Variants in TMEM266 observed in about 807,000 individuals in gnomAD.
TMEM266 encodes the protein transmembrane protein 266.
In TMEM266, 33 loss-of-function variants were observed where a neutral mutation model predicts 50.5. The ratio of observed to expected loss-of-function variants is 0.65; its 90% CI spans 0.50 to 0.87. TMEM266 has a LOEUF of 0.87. Among genes scored for constraint, TMEM266 ranks in the 40% least tolerant of loss-of-function variants. TMEM266 has a pLI of 0.00. For missense variants in TMEM266, 655 were observed against 695.1 expected, an observed-to-expected ratio of 0.94 and a Z score of 0.65; for synonymous variants, 310 against 292.3, an observed-to-expected ratio of 1.06 and a Z score of -0.62.
Position 76,183,466 on chromosome 15 carries a change from A to G in TMEM266, c.768+7792A>G, listed in dbSNP as rs554482486. On this transcript the variant is annotated intron_variant, in intron 8 of 10. Coordinates refer to ENST00000388942, the MANE Select transcript of TMEM266 (RefSeq NM_152335.3). ...AGTCTTCTCCAGTCAGTGGATAGGA[A>G]AGTGAGGCTGGGGAATTGGGCACAG... Among the ~76,000 whole-genome samples, 7 of 152,290 alleles carry G rather than the reference A, an allele frequency of 4.6e-5. No individual in the cohort carries two copies. In the South Asian group the frequency reaches 1.4e-3, roughly 32 times the overall value.
At chr15:76,157,393 GA>G (rs1327135031) in intron 4 of TMEM266, among the ~76,000 whole-genome samples, 1 of 152,196 alleles carries the variant, frequency 6.6e-6, no homozygotes, top group Non-Finnish European at 1.5e-5. Context: ...TTGGAGCTGG[GA>G]CTTCAAGGCA....
chr15:76,137,787 T>C lies in TMEM266; in HGVS notation c.119T>C (p.Val40Ala). 1 of 1,614,224 alleles carries C rather than the reference T, an allele frequency of 6.2e-7. No individual in the cohort carries two copies. The highest frequency in any genetic ancestry group is 8.5e-7 in the Non-Finnish European group (1 of 1,180,028). Residue 40 changes from valine (V) to alanine (A), a missense_variant, in exon 3 of 11, where the codon GTG becomes GCG. Val to Ala is a moderately conservative substitution (Grantham distance 64, BLOSUM62 0). This residue lies in a region of TMEM266 where 99 missense variants were observed against 110.8 expected (regional missense o/e 0.89). Transcript: ENST00000388942. ...GAAGAAACCAAGAGCATTGCTCCTGTGCAGCTGGTGAACTTTGCCTATCGG... is the reference window on the plus strand; with the variant it reads ...GAAGAAACCAAGAGCATTGCTCCTGCGCAGCTGGTGAACTTTGCCTATCGG...
intron 8 of TMEM266, among the ~76,000 whole-genome samples, chr15:76,189,082 C>T (rs958843005): frequency 7.2e-5 from 11 of 152,256 alleles, no homozygotes; most frequent in African/African-American, 2.6e-4. Flanking sequence ...GTCCCAGTTA[C>T]TCAGGAGGCT....
intron 8 of TMEM266, among the ~76,000 whole-genome samples, chr15:76,180,059 T>C (rs1596157859): frequency 6.6e-6 from 1 of 152,338 alleles, no homozygotes; most frequent in East Asian, 1.9e-4. Context: ...TTCACCCAGC[T>C]CTTTTTAAAA....
At chr15:76,103,919 A>AAT (rs1228568083) in intron 1 of TMEM266, among the ~76,000 whole-genome samples, 6 of 151,212 alleles carry the variant, frequency 4.0e-5, no homozygotes, top group Non-Finnish European at 8.8e-5. Flanking sequence ...TCAAAAAAAA[A>AAT]AAAAAATGCC....
intron 1 of TMEM266, among the ~76,000 whole-genome samples, chr15:76,120,145 A>G (rs1020934806): frequency 1.2e-4 from 18 of 152,162 alleles, no homozygotes; most frequent in Admixed American, 1.2e-3. Context: ...ATTCCATGCA[A>G]ATGAAAATAC....
At chr15:76,162,446 G>A (rs533828397) in intron 5 of TMEM266, among the ~76,000 whole-genome samples, 1 of 152,338 alleles carries the variant, frequency 6.6e-6, no homozygotes, top group East Asian at 1.9e-4. Context: ...CCTGCCTCCA[G>A]ACAGCTTGGA....
At chr15:76,106,500 C>T (rs1026580865) in intron 1 of TMEM266, among the ~76,000 whole-genome samples, 3 of 152,114 alleles carry the variant, frequency 2.0e-5, no homozygotes, top group African/African-American at 4.8e-5. Flanking sequence ...AGTGCAGTGG[C>T]GCAATCACGG....
At chr15:76,146,286 G>GA (rs1293143330) in intron 3 of TMEM266, among the ~76,000 whole-genome samples, 2 of 152,148 alleles carry the variant, frequency 1.3e-5, no homozygotes, top group Non-Finnish European at 2.9e-5. Context: ...TCTTTTTAGT[G>GA]AAAAGAGGGT....
chr15:76,173,253 C>T (rs2038214765), intron 7 of TMEM266, among the ~76,000 whole-genome samples: 2 of 152,038 alleles, frequency 1.3e-5, no homozygotes, highest in South Asian at 4.2e-4. Flanking sequence ...TCTGGAGGTG[C>T]AGAGGCTGTG....
chr15:76,202,289 ACAT>A, intron 10 of TMEM266, 25 bp downstream of exon 10: 1 of 1,594,746 alleles, frequency 6.3e-7, no homozygotes, highest in Middle Eastern at 1.7e-4. Flanking sequence ...GGGCTGTTCT[ACAT>A]GTGCCACAAC....
chr15:76,060,172 G>A (rs2036269500), intron 1 of TMEM266, among the ~76,000 whole-genome samples, 156 bp downstream of exon 1: 1 of 151,882 alleles, frequency 6.6e-6, no homozygotes, highest in South Asian at 2.1e-4. Flanking sequence ...CCCCTGGCCG[G>A]GGGAGCCAGG....
Position 76,175,630 on chromosome 15 carries a change from G to T in TMEM266, c.724G>T (p.Asp242Tyr), listed in dbSNP as rs942023218. The T allele has an allele frequency of 1.2e-6, 2 of 1,614,102 alleles. No individual in the cohort carries two copies. The highest frequency in any genetic ancestry group is 3.3e-5 in the Admixed American group (2 of 60,010). ...GTACGAGAAGGCCAAGGTCATCCAA[G>T]ACGAGCAGCTGGAGAGGCTGACGCA... Residue 242 changes from aspartate (D) to tyrosine (Y), a missense_variant, in exon 8 of 11, where the codon GAC becomes TAC. Physicochemically the swap from Asp to Tyr is radical, Grantham distance 160. Around this residue, in one of 3 missense-constraint regions of TMEM266, gnomAD observed 455 missense variants for 401.8 expected, o/e 1.13. Coordinates refer to ENST00000388942, the MANE Select transcript of TMEM266 (RefSeq NM_152335.3).
rs979689963 is a variant in TMEM266, at chr15:76,153,174, A to G, written c.228-3430A>G. The stretch of plus-strand genomic sequence containing the variant: ...GAAAAAAACGACATTTTAAACAGCA[A>G]TATAAATTGGCTTTTCCTCCCTTGG... On this transcript the variant is annotated intron_variant, in intron 3 of 10. Transcript: ENST00000388942. The surrounding 1 kb of genome is among the most constrained non-coding windows in gnomAD (Gnocchi z 4.2). Among the ~76,000 whole-genome samples, 1 of 152,202 alleles carries G rather than the reference A, an allele frequency of 6.6e-6. No homozygotes were observed. The highest frequency in any genetic ancestry group is 1.5e-5 in the Non-Finnish European group (1 of 68,030).
At chr15:76,112,578 T>A (rs2037186179) in intron 1 of TMEM266, 1 of 152,330 alleles carries the variant, frequency 6.6e-6, no homozygotes, top group South Asian at 2.1e-4. Context: ...CTGCTGCAGA[T>A]GGCACCTCCA....
chr15:76,175,562 A>G lies in TMEM266; in HGVS notation c.656A>G (p.Tyr219Cys), dbSNP rs760082559. Reference sequence around the variant, plus strand: ...CAGGGCTGTCTCTGTCTTCCAGCCTACGTCCTGCCAGTGAAGCTGGAGATG... The same window carrying G: ...CAGGGCTGTCTCTGTCTTCCAGCCTGCGTCCTGCCAGTGAAGCTGGAGATG... Residue 219 changes from tyrosine to cysteine, a missense_variant, in exon 8 of 11, where the codon TAC becomes TGC. Physicochemically the swap from Tyr to Cys is radical, Grantham distance 194. Around this residue, in one of 3 missense-constraint regions of TMEM266, gnomAD observed 101 missense variants for 182.6 expected, o/e 0.55. Coordinates refer to ENST00000388942, the MANE Select transcript of TMEM266 (RefSeq NM_152335.3). 7 of 1,613,420 alleles carry G rather than the reference A, an allele frequency of 4.3e-6. No homozygotes were observed. The South Asian group carries it at 7.7e-5, about 18-fold the overall frequency.
At chr15:76,127,137 A>G (rs1233061671) in intron 1 of TMEM266, among the ~76,000 whole-genome samples, 1 of 152,196 alleles carries the variant, frequency 6.6e-6, no homozygotes, top group Non-Finnish European at 1.5e-5. Context: ...AGGTAATTAT[A>G]TGATGTGATC....
chr15:76,173,083 A>G (rs2038211372), intron 7 of TMEM266, among the ~76,000 whole-genome samples: 1 of 151,604 alleles, frequency 6.6e-6, no homozygotes, highest in South Asian at 2.1e-4. Flanking sequence ...TTGCAAATTA[A>G]CCCTGGGTGT....
intron 9 of TMEM266, among the ~76,000 whole-genome samples, chr15:76,200,416 G>A (rs1262421421): frequency 3.3e-5 from 5 of 152,240 alleles, no homozygotes. Flanking sequence ...GGCCCAGAGA[G>A]GGGATGGGAC....
Sources: allele counts gnomAD v4.1 joint callset (sites outside exome capture counted in the v4.1 genomes callset), GRCh38; gene constraint gnomAD v4.1.1; regional missense constraint gnomAD v4.1.1; non-coding constraint Gnocchi (gnomAD v3.1); transcripts MANE v1.5; gene names NCBI Gene and HGNC (gene_info 2026-07-23, HGNC 2026-07-21).